The following HS1BP3 variants were observed in gnomAD, a reference collection of about 807,000 sequenced individuals.
The protein encoded by HS1BP3 is HCLS1 binding protein 3, also known as HCLS1-binding protein 3.
In HS1BP3, 32 loss-of-function variants were observed where a neutral mutation model predicts 33.5. The ratio of observed to expected loss-of-function variants is 0.95; its 90% CI spans 0.72 to 1.28. The LOEUF (loss-of-function observed/expected upper bound fraction) is 1.28. Ranked by LOEUF, HS1BP3 falls within the 50% of genes most tolerant of loss-of-function variation. The probability of loss-of-function intolerance (pLI) is 0.00; values close to 1 mark genes in which losing one functional copy is unlikely to be tolerated. For synonymous variants in HS1BP3, 187 were observed against 209.2 expected, an observed-to-expected ratio of 0.89 and a Z score of 0.92; for missense variants, 486 against 502.3, an observed-to-expected ratio of 0.97 and a Z score of 0.31.
chr2:20,617,172 C>G (rs1417837693), downstream of HS1BP3, among the ~76,000 whole-genome samples: 1 of 152,108 alleles, frequency 6.6e-6, no homozygotes, highest in African/African-American at 2.4e-5. Flanking sequence ...AGGGAGGGGA[C>G]AAAGCCCAGA....
At position 20,610,540 on chromosome 2, in the gene HS1BP3, C is replaced by T. The variant is rs867446022; in HGVS notation, c.179-12275G>A. 5.3e-5 allele frequency among the ~76,000 whole-genome samples: 8 copies of T among 152,102 alleles called. No homozygotes were observed. The East Asian group carries it at 5.8e-4, about 11-fold the overall frequency. On this transcript the variant is annotated intron_variant, in intron 2 of 3. Coordinates refer to the HS1BP3 transcript ENST00000415264. ...GTTTCCTCCATATCTTTTCATGGCT[C>T]GATAGCACATTTCTTTTTAGCACTG... is the stretch of plus-strand genomic sequence containing the variant.
chr2:20,571,771 AG>A lies in HS1BP3; in HGVS notation c.303-11257del, dbSNP rs550661504. Among the ~76,000 whole-genome samples, 8 of 152,320 alleles carry A rather than the reference AG, an allele frequency of 5.3e-5. No homozygotes were observed. The East Asian group carries it at 1.5e-3, about 29-fold the overall frequency. On this transcript the variant is annotated intron_variant, in intron 5 of 5. Coordinates refer to the HS1BP3 transcript ENST00000446825. ...TTCCCTGGAGCCTGCTGAGTGCCCC[AG>A]GTCCACCTGCTCACATCAGGTGCCA...
chr2:20,571,324 C>T (rs1195596968), intron 5 of HS1BP3, among the ~76,000 whole-genome samples: 1 of 152,168 alleles, frequency 6.6e-6, no homozygotes. Flanking sequence ...GGACCCAGCC[C>T]TAGCAGAGGC....
chr2:20,625,019 GC>G, intron 4 of HS1BP3, 127 bp from the exon 5 acceptor site: 1 of 1,137,478 alleles, frequency 8.8e-7, no homozygotes, highest in Non-Finnish European at 1.3e-6. Context: ...AAAAGACCAG[GC>G]CAGAGGGACC....
intron 6 of HS1BP3, chr2:20,622,042 A>T: frequency 4.3e-6 from 2 of 468,128 alleles, no homozygotes; most frequent in Non-Finnish European, 6.9e-6. Flanking sequence ...CATCTAGACT[A>T]GAGGCCCTGC....
intron 1 of HS1BP3, 117 bp downstream of exon 1, chr2:20,650,915 C>G: frequency 1.1e-5 from 10 of 904,804 alleles, no homozygotes; most frequent in Non-Finnish European, 1.3e-5. Flanking sequence ...CCACCGAGGG[C>G]GCTGGGGAGA....
chr2:20,617,404 T>C (rs1480423300), downstream of HS1BP3, among the ~76,000 whole-genome samples: 1 of 151,982 alleles, frequency 6.6e-6, no homozygotes, highest in Non-Finnish European at 1.5e-5. Context: ...TGAGCCTGGG[T>C]TAAGACGGAG....
chr2:20,590,003 G>A (rs1470413808), downstream of HS1BP3, among the ~76,000 whole-genome samples: 1 of 152,166 alleles, frequency 6.6e-6, no homozygotes, highest in African/African-American at 2.4e-5. Context: ...CTGGTGAAGA[G>A]TTAATGCTCA....
At chr2:20,614,728 G>A (rs557406354), downstream of HS1BP3, among the ~76,000 whole-genome samples, 10 of 152,174 alleles carry the variant, frequency 6.6e-5, no homozygotes, top group Non-Finnish European at 1.3e-4. Context: ...ATTCAGAGGC[G>A]GCTGCTATGT....
At chr2:20,590,609 T>A (rs557567594), downstream of HS1BP3, among the ~76,000 whole-genome samples, 22 of 152,280 alleles carry the variant, frequency 1.4e-4, 1 homozygote, top group South Asian at 4.6e-3. Flanking sequence ...ATCTGACAGG[T>A]CCTCTCATAG....
chr2:20,579,273 C>A (rs1693475494), intron 5 of HS1BP3, among the ~76,000 whole-genome samples: 1 of 152,260 alleles, frequency 6.6e-6, no homozygotes, highest in Non-Finnish European at 1.5e-5. Context: ...TTGGCGGCAG[C>A]TGCCCAGCAT....
chr2:20,596,844 C>G (rs1370708935), intron 3 of HS1BP3, among the ~76,000 whole-genome samples: 1 of 152,160 alleles, frequency 6.6e-6, no homozygotes, highest in East Asian at 1.9e-4. Flanking sequence ...TGTTTTTCCC[C>G]CTCTGCATTT....
chr2:20,599,276 C>T (rs1345394582), intron 2 of HS1BP3, among the ~76,000 whole-genome samples: 2 of 152,238 alleles, frequency 1.3e-5, no homozygotes, highest in East Asian at 3.9e-4. Context: ...AGGTCCCACT[C>T]TTCCTCCCTT....
intron 5 of HS1BP3, among the ~76,000 whole-genome samples, chr2:20,564,666 T>C (rs761898816): frequency 1.3e-5 from 2 of 152,112 alleles, no homozygotes; most frequent in Non-Finnish European, 2.9e-5. Flanking sequence ...GTATTTTTAG[T>C]AGAGATGGAG....
downstream of HS1BP3, among the ~76,000 whole-genome samples, chr2:20,615,671 A>G (rs892265835): frequency 2.0e-5 from 3 of 152,176 alleles, no homozygotes; most frequent in African/African-American, 7.2e-5. Flanking sequence ...CTGGTGAGCT[A>G]GAGAAATGGG....
chr2:20,618,889 G>A lies in HS1BP3; in HGVS notation c.*98C>T, dbSNP rs924744271. The A allele has an allele frequency of 2.0e-6, 3 of 1,472,108 alleles. No individual in the cohort carries two copies. The highest frequency in any genetic ancestry group is 1.8e-6 in the Non-Finnish European group (2 of 1,114,246). The allele number at this position is 1,472,108 out of a possible 1,614,324, so 91.2% of individuals were successfully genotyped here. ...CCAGGCTTCTGCCTGGCCTCCCCTGGGGGTGGGGAGGTTCTGACCCTGCAG... is the reference window on the plus strand; with the variant it reads ...CCAGGCTTCTGCCTGGCCTCCCCTGAGGGTGGGGAGGTTCTGACCCTGCAG... On this transcript the variant is annotated 3_prime_UTR_variant, in exon 7 of 7. Transcript: ENST00000304031.
downstream of HS1BP3, among the ~76,000 whole-genome samples, chr2:20,613,574 C>T (rs1694356313): frequency 6.6e-6 from 1 of 152,222 alleles, no homozygotes; most frequent in South Asian, 2.1e-4. Context: ...CAGTTTGTGC[C>T]ACATGTTATC....
At chr2:20,566,182 C>A (rs1693123090) in intron 5 of HS1BP3, among the ~76,000 whole-genome samples, 1 of 152,256 alleles carries the variant, frequency 6.6e-6, no homozygotes, top group South Asian at 2.1e-4. Context: ...CCTTGGGGAG[C>A]CCTTCCTTTG....
chr2:20,596,946 G>T (rs1245385431), intron 3 of HS1BP3, among the ~76,000 whole-genome samples: 1 of 152,170 alleles, frequency 6.6e-6, no homozygotes, highest in Non-Finnish European at 1.5e-5. Flanking sequence ...GACTCTGTGG[G>T]TAGGATTTGG....
Sources: gnomAD v4.1 joint callset for allele counts (sites outside exome capture counted in the v4.1 genomes callset) on GRCh38, gnomAD v4.1.1 for gene constraint, MANE v1.5 for transcripts, NCBI Gene and HGNC (gene_info 2026-07-23, HGNC 2026-07-21) for gene names.